TMEM117: variants seen among roughly 807,000 people sequenced by gnomAD.
The protein encoded by TMEM117 is transmembrane protein 117.
Under a neutral mutation model 52.4 loss-of-function variants are expected in TMEM117, and 27 were observed. That is an observed-to-expected ratio of 0.51 (90% CI 0.38 to 0.71). The LOEUF (loss-of-function observed/expected upper bound fraction) is 0.71. Among genes scored for constraint, TMEM117 ranks in the 30% least tolerant of loss-of-function variants. The pLI, the probability that TMEM117 is intolerant of heterozygous loss-of-function variation, is 0.00. For synonymous variants in TMEM117, 215 were observed against 206.3 expected (o/e 1.04, Z -0.36); for missense variants, 556 against 630.5 (o/e 0.88, Z 1.26).
At chr12:43,873,878 A>G (rs1447130003) in intron 2 of TMEM117, among the ~76,000 whole-genome samples, 1 of 152,010 alleles carries the variant, frequency 6.6e-6, no homozygotes, top group African/African-American at 2.4e-5. Context: ...AGCTATCTGC[A>G]TATACTTGTT....
chr12:43,849,717 A>T (rs1943273217), intron 2 of TMEM117, among the ~76,000 whole-genome samples: 2 of 151,976 alleles, frequency 1.3e-5, no homozygotes, highest in African/African-American at 4.8e-5. Context: ...TTTTCTTACT[A>T]AAAACCTATG....
At chr12:43,891,367 ATTTTTT>A (rs772754829) in intron 2 of TMEM117, among the ~76,000 whole-genome samples, 11 of 57,798 alleles carry the variant, frequency 1.9e-4, no homozygotes, top group Middle Eastern at 0.019. Flanking sequence ...TACCTCTTGA[ATTTTTT>A]TTTTTTTTTT....
intron 5 of TMEM117, among the ~76,000 whole-genome samples, chr12:44,246,114 A>G (rs1950126221): frequency 6.6e-6 from 1 of 152,144 alleles, no homozygotes; most frequent in African/African-American, 2.4e-5. Flanking sequence ...ATATTACATT[A>G]ACATTACTTA....
intron 3 of TMEM117, among the ~76,000 whole-genome samples, chr12:44,042,812 ATTAG>A (rs200194507): frequency 0.014 from 2,087 of 148,162 alleles, 61 homozygotes; most frequent in African/African-American, 0.049. Context: ...ACACACACTT[ATTAG>A]TTCTGCCCCT....
intron 3 of TMEM117, among the ~76,000 whole-genome samples, chr12:44,084,240 C>T (rs1947530029): frequency 6.6e-6 from 1 of 152,050 alleles, no homozygotes; most frequent in African/African-American, 2.4e-5. Flanking sequence ...TTTGGGTTGA[C>T]ATTTTTATGT....
At chr12:44,191,788 C>G (rs919179814) in intron 4 of TMEM117, among the ~76,000 whole-genome samples, 2 of 152,002 alleles carry the variant, frequency 1.3e-5, no homozygotes, top group Non-Finnish European at 2.9e-5. Flanking sequence ...AATTAATAAT[C>G]CATGAGTATT....
chr12:44,250,889 C>T (rs192318124), intron 5 of TMEM117, among the ~76,000 whole-genome samples: 7 of 151,954 alleles, frequency 4.6e-5, no homozygotes, highest in Admixed American at 6.6e-5. Flanking sequence ...TTAATGCATG[C>T]GGGGCTTAAA....
intron 6 of TMEM117, among the ~76,000 whole-genome samples, chr12:44,310,276 A>G (rs1950957091): frequency 2.0e-5 from 3 of 152,242 alleles, no homozygotes; most frequent in African/African-American, 7.2e-5. Context: ...AGTAGGAGAA[A>G]CAATGTAGCC....
intron 3 of TMEM117, among the ~76,000 whole-genome samples, chr12:44,042,352 AT>A (rs61531024): frequency 0.16 from 24,114 of 149,642 alleles, 2,902 homozygotes; most frequent in African/African-American, 0.34. Flanking sequence ...TAAAATCTTA[AT>A]TTTTTTTTCA....
chr12:43,938,348 G>T (rs184336997), intron 2 of TMEM117, among the ~76,000 whole-genome samples: 78 of 151,270 alleles, frequency 5.2e-4, no homozygotes, highest in Middle Eastern at 3.4e-3. Flanking sequence ...TAGGGTAATT[G>T]CTTCAGGACC....
intron 4 of TMEM117, among the ~76,000 whole-genome samples, chr12:44,182,568 T>C (rs1211994582): frequency 6.6e-6 from 1 of 152,212 alleles, no homozygotes; most frequent in African/African-American, 2.4e-5. Context: ...TAATAAGAGC[T>C]ATCTGTGACA....
chr12:44,216,288 G>A (rs1300029880), intron 5 of TMEM117, among the ~76,000 whole-genome samples: 1 of 152,080 alleles, frequency 6.6e-6, no homozygotes, highest in Non-Finnish European at 1.5e-5. Context: ...TTACAGGCAT[G>A]AGCCACCACT....
chr12:44,028,723 A>G (rs991122697), intron 3 of TMEM117, among the ~76,000 whole-genome samples: 4 of 152,230 alleles, frequency 2.6e-5, no homozygotes, highest in Non-Finnish European at 4.4e-5. Context: ...GGCAACCAGC[A>G]GCCCTTGGGA....
intron 3 of TMEM117, chr12:44,008,999 C>T (rs758680710): frequency 5.5e-6 from 2 of 364,640 alleles, no homozygotes; most frequent in Middle Eastern, 4.8e-4. Flanking sequence ...AGTGTGAATT[C>T]TCTGGTACTT....
chr12:43,796,241 C>G, the TMEM117 span, among the ~76,000 whole-genome samples: 1 of 152,056 alleles, frequency 6.6e-6, no homozygotes, highest in Non-Finnish European at 1.5e-5. Context: ...CCTTTACTTA[C>G]TATTTGGTCC....
At chr12:44,069,274 G>T (rs370914794) in intron 3 of TMEM117, among the ~76,000 whole-genome samples, 1 of 152,130 alleles carries the variant, frequency 6.6e-6, no homozygotes, top group Admixed American at 6.5e-5. Context: ...ATATATATGG[G>T]ATTTATATTA....
At chr12:44,328,377 T>A (rs1386488067) in intron 6 of TMEM117, among the ~76,000 whole-genome samples, 1 of 152,186 alleles carries the variant, frequency 6.6e-6, no homozygotes, top group Non-Finnish European at 1.5e-5. Context: ...AGATAAAAAC[T>A]ATTAAGAATT....
intron 2 of TMEM117, among the ~76,000 whole-genome samples, chr12:43,881,958 G>C (rs181909989): frequency 0.014 from 2,076 of 152,010 alleles, 35 homozygotes; most frequent in African/African-American, 0.048. Flanking sequence ...TGTAGTCCCA[G>C]CTACTCAGGA....
chr12:44,054,176 T>C (rs920957738), intron 3 of TMEM117, among the ~76,000 whole-genome samples: 12 of 152,164 alleles, frequency 7.9e-5, no homozygotes, highest in Admixed American at 7.2e-4. Context: ...ATAAGAGCAA[T>C]GGCGTATATT....
Sources: allele counts gnomAD v4.1 joint callset (sites outside exome capture counted in the v4.1 genomes callset), GRCh38; gene constraint gnomAD v4.1.1; transcripts MANE v1.5; gene names NCBI Gene and HGNC (gene_info 2026-07-23, HGNC 2026-07-21).